The following TRIM49B variants were observed in gnomAD, a reference collection of about 807,000 sequenced individuals.
TRIM49B encodes tripartite motif containing 49B, also known as putative tripartite motif-containing protein 49B.
A neutral mutation model predicts 31.8 loss-of-function variants in TRIM49B; 18 were observed. The ratio of observed to expected loss-of-function variants is 0.57; its 90% confidence interval spans 0.39 to 0.84. TRIM49B has a LOEUF of 0.84. Ranked by LOEUF, TRIM49B falls within the 40% of genes least tolerant of loss-of-function variation. TRIM49B has a pLI of 0.00. For synonymous variants in TRIM49B, 196 were observed against 180.6 expected, an observed-to-expected ratio of 1.09 and a Z score of -0.68; for missense variants, 494 against 538.7, an observed-to-expected ratio of 0.92 and a Z score of 0.82.
intron 1 of TRIM49B, 30 bp from the exon 2 acceptor site, chr11:49,031,566 C>A (rs1177900031): frequency 2.5e-6 from 4 of 1,610,118 alleles, no homozygotes. Flanking sequence ...ACCCAGGCCC[C>A]AAAATGACAT....
chr11:49,033,906 T>A (rs573269323), intron 3 of TRIM49B, among the ~76,000 whole-genome samples: 1 of 152,334 alleles, frequency 6.6e-6, no homozygotes, highest in African/African-American at 2.4e-5. Context: ...CAAATTGTGT[T>A]TTTTTATTTT....
At chr11:49,037,120 A>G (rs1217485356) in intron 6 of TRIM49B, among the ~76,000 whole-genome samples, 6 of 152,220 alleles carry the variant, frequency 3.9e-5, no homozygotes. Flanking sequence ...AAATCTTCAC[A>G]TTCACATTCT....
At chr11:49,033,069 T>C (rs1854474792) in intron 3 of TRIM49B, among the ~76,000 whole-genome samples, 1 of 152,092 alleles carries the variant, frequency 6.6e-6, no homozygotes, top group South Asian at 2.1e-4. Context: ...CTAATATTAG[T>C]TTGTTGAAAA....
At chr11:49,030,539 T>C (rs1383550233) in intron 1 of TRIM49B, among the ~76,000 whole-genome samples, 1 of 152,032 alleles carries the variant, frequency 6.6e-6, no homozygotes, top group Middle Eastern at 3.2e-3. Context: ...TAAGCTCAAG[T>C]CTGAAAGCTT....
At chr11:49,036,259 T>C in intron 5 of TRIM49B, 42 bp from the exon 6 acceptor site, 1 of 1,590,730 alleles carries the variant, frequency 6.3e-7, no homozygotes, top group Non-Finnish European at 8.6e-7. Context: ...TTTTATTTAT[T>C]TTATGGCTGT....
At chr11:49,036,783 A>G (rs1854535430) in intron 6 of TRIM49B, among the ~76,000 whole-genome samples, 1 of 152,064 alleles carries the variant, frequency 6.6e-6, no homozygotes, top group Middle Eastern at 3.2e-3. Context: ...GGGGGAATAT[A>G]GTTTTCTGGA....
rs1854560294 is a variant in TRIM49B, at chr11:49,038,144, A to C, written c.*167A>C. 2 of 1,421,962 alleles carry C rather than the reference A, an allele frequency of 1.4e-6. No individual in the cohort carries two copies. Among genetic ancestry groups the C allele is most frequent in the South Asian group, 2.9e-5 (2 of 68,654 alleles). The allele number at this position is 1,421,962 out of a possible 1,614,324, so 88.1% of individuals were successfully genotyped here. A position where few individuals can be genotyped will look rare whatever the true frequency, so the allele number is the denominator to read the frequency against. ...TATTGTGTTACTATTAAATATGCTG[A>C]AAACACTAAAAGTATATGTATTGGT... On this transcript the variant is annotated 3_prime_UTR_variant, in exon 7 of 7. Coordinates refer to ENST00000332682, the MANE Select transcript of TRIM49B (RefSeq NM_001206626.2).
intron 5 of TRIM49B, among the ~76,000 whole-genome samples, chr11:49,035,972 G>A (rs1854524174): frequency 8.0e-6 from 1 of 125,568 alleles, no homozygotes; most frequent in Admixed American, 8.5e-5. Flanking sequence ...CCAGAACCCC[G>A]CTATTTCAGA....
intron 3 of TRIM49B, among the ~76,000 whole-genome samples, chr11:49,033,855 C>T (rs1854485204): frequency 6.6e-6 from 1 of 152,196 alleles, no homozygotes; most frequent in Non-Finnish European, 1.5e-5. Context: ...AGCATGAACT[C>T]TTCTTACTTT....
At position 49,038,123 on chromosome 11, in the gene TRIM49B, G is replaced by A; in HGVS notation, c.*146G>A. ...CTAATGTTATCAAAACTCATTTATTGTGTTACTATTAAATATGCTGAAAAC... is the reference window on the plus strand; with the variant it reads ...CTAATGTTATCAAAACTCATTTATTATGTTACTATTAAATATGCTGAAAAC... On this transcript the variant is annotated 3_prime_UTR_variant, in exon 7 of 7. Transcript: ENST00000332682. 1.3e-6 allele frequency: 2 copies of A among 1,496,554 alleles called. No individual in the cohort carries two copies. 92.7% of individuals were successfully genotyped at this position (1,496,554 alleles called of 1,614,324 possible). A position where few individuals can be genotyped will look rare whatever the true frequency, so the allele number is the denominator to read the frequency against.
rs773827707 is a variant in TRIM49B, at chr11:49,037,548, T to C, written c.930T>C (p.Cys310=). The change falls in exon 7 of 7, where the codon TGT becomes TGC. Residue 310 remains cysteine (C), a synonymous_variant. Transcript: ENST00000332682. ...IFLCEILRSM[C]IGCDHQDVPY... is the part of the protein sequence containing the mutation. ...TATGTGAAATTTTGAGAAGCATGTG[T>C]ATTGGATGTGACCATCAAGATGTAC... 1.2e-5 allele frequency: 19 copies of C among 1,614,076 alleles called. No homozygotes were observed. Among genetic ancestry groups the C allele is most frequent in the Non-Finnish European group, 5.1e-6 (6 of 1,180,046 alleles).
chr11:49,029,228 G>A (rs1299156171), intron 1 of TRIM49B, among the ~76,000 whole-genome samples: 1 of 152,148 alleles, frequency 6.6e-6, no homozygotes, highest in Non-Finnish European at 1.5e-5. Context: ...AATATATGGA[G>A]TTGATATATA....
In TRIM49B at chr11:49,037,647, G is replaced by A; in HGVS notation, c.1029G>A (p.Trp343Ter). Residue 343 changes from tryptophan to a stop codon, truncating the protein, a stop_gained, in exon 7 of 7, where the codon TGG becomes TGA. Transcript: ENST00000332682. LOFTEE classifies it low-confidence loss of function (END_TRUNC). ...CTTTCACCTCGGGCAAATATTACTG[G>A]GAGGTCCATGTAGGGGACTCCTGGA... is the stretch of plus-strand genomic sequence containing the variant. ...AQTFTSGKYY[W>*]EVHVGDSWNW... 2 of 1,613,904 alleles carry A rather than the reference G, an allele frequency of 1.2e-6. No homozygotes were observed. The highest frequency in any genetic ancestry group is 1.7e-6 in the Non-Finnish European group (2 of 1,179,856).
chr11:49,032,069 T>C (rs1255803962), intron 2 of TRIM49B, 59 bp downstream of exon 2: 3 of 1,611,010 alleles, frequency 1.9e-6, no homozygotes, highest in Non-Finnish European at 2.5e-6. Flanking sequence ...CCTGTGGGTC[T>C]ATTTTCTTGG....
intron 1 of TRIM49B, among the ~76,000 whole-genome samples, chr11:49,031,007 T>TA (rs1554969560): frequency 1.2e-3 from 181 of 151,538 alleles, no homozygotes; most frequent in African/African-American, 4.0e-3. Context: ...CTTTTTTTTT[T>TA]AATTTTGTTT....
chr11:49,037,372 A>G (rs1854545490), intron 6 of TRIM49B, 106 bp from the exon 7 acceptor site: 2 of 1,445,262 alleles, frequency 1.4e-6, no homozygotes, highest in Non-Finnish European at 1.8e-6. Context: ...AGAAGTTACA[A>G]GCAAAACTTT....
intron 4 of TRIM49B, 135 bp from the exon 5 acceptor site, chr11:49,034,960 T>C: frequency 1.4e-6 from 2 of 1,467,494 alleles, no homozygotes; most frequent in East Asian, 2.4e-5. Context: ...AGAAATGAAA[T>C]AGAAAATACT....
chr11:49,031,919 A>G lies in TRIM49B; in HGVS notation c.320A>G (p.Asp107Gly). 1.9e-6 allele frequency: 3 copies of G among 1,612,266 alleles called. No individual in the cohort carries two copies. Among genetic ancestry groups the G allele is most frequent in the Non-Finnish European group, 2.5e-6 (3 of 1,179,872 alleles). ...ACAAAGAAGATGTTCTGTGAAGTGG[A>G]CAGGAGCCTGCTCTGTTTGCTGTGC... is the stretch of plus-strand genomic sequence containing the variant. ...RETKKMFCEV[D>G]RSLLCLLCSS... The change falls in exon 2 of 7, where the codon GAC becomes GGC. Residue 107 changes from aspartate to glycine, a missense_variant. Transcript: ENST00000332682.
At chr11:49,037,406 A>T (rs1223322904) in intron 6 of TRIM49B, 72 bp from the exon 7 acceptor site, 18 of 1,496,262 alleles carry the variant, frequency 1.2e-5, no homozygotes, top group Non-Finnish European at 1.6e-5. Context: ...TTTGCTGGTA[A>T]AGTAACTTCT....
Sources: gnomAD v4.1 joint callset for allele counts (sites outside exome capture counted in the v4.1 genomes callset) on GRCh38, gnomAD v4.1.1 for gene constraint, MANE v1.5 for transcripts, NCBI Gene and HGNC (gene_info 2026-07-23, HGNC 2026-07-21) for gene names.